ZNF519: variants seen among roughly 807,000 people sequenced by gnomAD.
ZNF519 encodes the protein similar to Zinc finger protein 85 (Zinc finger protein HPF4) (HTF1).
Under a neutral mutation model 7.4 loss-of-function variants are expected in ZNF519, and 7 were observed. That is an observed-to-expected ratio of 0.94 (90% CI 0.54 to 1.77). The LOEUF (loss-of-function observed/expected upper bound fraction) is 1.77. Ranked by LOEUF, ZNF519 falls within the 40% of genes most tolerant of loss-of-function variation. The pLI, the probability that ZNF519 is intolerant of heterozygous loss-of-function variation, is 0.00. For synonymous variants in ZNF519, 179 were observed against 203.3 expected (o/e 0.88, Z 1.02); for missense variants, 586 against 623.1 (o/e 0.94, Z 0.63).
chr18:14,091,613 C>T (rs1377831382), intron 2 of ZNF519, among the ~76,000 whole-genome samples: 2 of 152,074 alleles, frequency 1.3e-5, no homozygotes, highest in African/African-American at 4.8e-5. Flanking sequence ...AGTCCTTGTC[C>T]TCTTGATGAC....
Position 14,105,098 on chromosome 18 carries a change from ACT to A in ZNF519, c.1440_1441del (p.Arg480SerfsTer11), listed in dbSNP as rs1402612337. On this transcript the variant is annotated frameshift_variant, in exon 3 of 3. Transcript: ENST00000590202. LOFTEE classifies it low-confidence loss of function (END_TRUNC). ...TTTGAAGAATTTCTCTCCAGTATGG[ACT>A]CTCTGATGTTGAGTAAGGTGTGAGC... The A allele has an allele frequency of 2.5e-6, 4 of 1,612,582 alleles. No individual in the cohort carries two copies. The Admixed American group carries it at 5.0e-5, about 20-fold the overall frequency.
At chr18:14,087,976 G>T (rs1049369350) in intron 2 of ZNF519, among the ~76,000 whole-genome samples, 1 of 152,074 alleles carries the variant, frequency 6.6e-6, no homozygotes, top group East Asian at 1.9e-4. Flanking sequence ...ACAAGGAATG[G>T]AACTATGTAG....
intron 2 of ZNF519, among the ~76,000 whole-genome samples, chr18:14,117,974 A>T (rs1365439532): frequency 6.6e-6 from 1 of 152,206 alleles, no homozygotes; most frequent in Non-Finnish European, 1.5e-5. Context: ...TCCAAAATAT[A>T]TCATTTACAA....
At chr18:14,095,780 T>C (rs2046133952), downstream of ZNF519, among the ~76,000 whole-genome samples, 1 of 152,182 alleles carries the variant, frequency 6.6e-6, no homozygotes, top group South Asian at 2.1e-4. Context: ...TCCCTGCCAG[T>C]GGATAGAGTC....
intron 2 of ZNF519, among the ~76,000 whole-genome samples, chr18:14,119,439 GTT>G: frequency 6.6e-6 from 1 of 152,248 alleles, no homozygotes; most frequent in Non-Finnish European, 1.5e-5. Flanking sequence ...ATTACTGAAA[GTT>G]TGTATCAGAA....
Position 14,077,904 on chromosome 18 carries a change from G to T in ZNF519, c.*276+296C>A, listed in dbSNP as rs530521064. Among the ~76,000 whole-genome samples the T allele has an allele frequency of 3.3e-5, 5 of 152,304 alleles. No individual in the cohort carries two copies. In the East Asian group the frequency reaches 7.7e-4, roughly 23 times the overall value. ...TAGACTGGTAAAGAATGTATCAATA[G>T]GTTACGGTGCAAATAGGCAGTCGTC... On this transcript the variant is annotated intron_variant and NMD_transcript_variant, in intron 4 of 4. Transcript: ENST00000587419.
Position 14,103,817 on chromosome 18 carries a change from G to A in ZNF519, c.*1100C>T, listed in dbSNP as rs2046173837. 6.6e-6 allele frequency: 1 copy of A among 152,046 alleles called. No homozygotes were observed. Among genetic ancestry groups the A allele is most frequent in the African/African-American group, 2.4e-5 (1 of 41,404 alleles). 9.4% of individuals were successfully genotyped at this position (152,046 alleles called of 1,614,324 possible). On this transcript the variant is annotated 3_prime_UTR_variant, in exon 3 of 3. Transcript: ENST00000590202. ...TGGAATCTTGAGCAAGGTGGAATAA[G>A]TTAACATTTTTGTCAGGATAAGACA...
chr18:14,088,665 G>T (rs1180113245), intron 2 of ZNF519, among the ~76,000 whole-genome samples: 1 of 152,100 alleles, frequency 6.6e-6, no homozygotes, highest in African/African-American at 2.4e-5. Flanking sequence ...AAAATTAAAG[G>T]AGACAAATAT....
rs1395417010 is a variant in ZNF519, at chr18:14,101,182, T to G, written c.*3735A>C. 6.5e-6 allele frequency: 1 copy of G among 153,566 alleles called. No homozygotes were observed. The highest frequency in any genetic ancestry group is 1.5e-5 in the Non-Finnish European group (1 of 68,952). The allele number at this position is 153,566 out of a possible 1,614,324, so 9.5% of individuals were successfully genotyped here. On this transcript the variant is annotated 3_prime_UTR_variant, in exon 3 of 3. Coordinates refer to ENST00000590202, the MANE Select transcript of ZNF519 (RefSeq NM_145287.4). ...CAGGAGCTGTTGGGTGGGGGTGAAC[T>G]CTCTCTAGGTGCACAGGAAGGAACA...
rs2046162948 is a variant in ZNF519 at position 14,101,762 on chromosome 18, C to G, written c.*3155G>C. The stretch of plus-strand genomic sequence containing the variant: ...TGTCCATCAGTTCTTTGATGATGTT[C>G]TGTGTGGAGCTCTGCAAAGACAAAC... On this transcript the variant is annotated 3_prime_UTR_variant, in exon 3 of 3. Coordinates refer to ENST00000590202, the MANE Select transcript of ZNF519 (RefSeq NM_145287.4). 2 of 398,602 alleles carry G rather than the reference C, an allele frequency of 5.0e-6. No individual in the cohort carries two copies. Among genetic ancestry groups the G allele is most frequent in the Non-Finnish European group, 4.4e-6 (1 of 226,084 alleles). 24.7% of individuals were successfully genotyped at this position (398,602 alleles called of 1,614,324 possible).
At chr18:14,076,815 T>C (rs2143072129) in exon 5 of ZNF519, 1 of 152,270 alleles carries the variant, frequency 6.6e-6, no homozygotes, top group East Asian at 1.9e-4. Context: ...AAAGTTACCC[T>C]TCTTTACTGA....
rs113197347 is a variant in ZNF519, at chr18:14,087,870, T to C, written c.131-2794A>G. 2.4e-4 allele frequency among the ~76,000 whole-genome samples: 37 copies of C among 152,252 alleles called. 1 individual carries two copies. The highest frequency in any genetic ancestry group is 8.2e-4 in the African/African-American group (34 of 41,550). On this transcript the variant is annotated intron_variant and NMD_transcript_variant, in intron 2 of 4. Transcript: ENST00000587419. ...AAAGTAAAAATGGACAAAAAGGATC[T>C]GGGAGGTGAGATTGACCATGCATTG...
rs73958136 is a variant in ZNF519 at position 14,114,869 on chromosome 18, T to C, written c.131-8460A>G. ...ACCATTTACCCTGATGTGATTTTTA[T>C]GCATTTCATGGCTACTTCAAAATAT... On this transcript the variant is annotated intron_variant, in intron 2 of 2. Transcript: ENST00000590202. Among the ~76,000 whole-genome samples, 381 of 152,278 alleles carry C rather than the reference T, an allele frequency of 2.5e-3. 4 individuals carry two copies. Among genetic ancestry groups the C allele is most frequent in the African/African-American group, 8.6e-3 (359 of 41,562 alleles).
In ZNF519 at chr18:14,132,039, C is replaced by T. The variant is rs1442437170; in HGVS notation, c.3+236G>A. ...TTTCCGATGACTTTCGCCTCATCAC[C>T]TCACAACCTGGGGAAGATGCAGGGC... On this transcript the variant is annotated intron_variant, in intron 1 of 2. Coordinates refer to ENST00000590202, the MANE Select transcript of ZNF519 (RefSeq NM_145287.4). Among the ~76,000 whole-genome samples, 3 of 152,146 alleles carry T rather than the reference C, an allele frequency of 2.0e-5. No individual in the cohort carries two copies. The East Asian group carries it at 5.8e-4, about 29-fold the overall frequency.
intron 2 of ZNF519, chr18:14,122,368 C>T (rs1426270656): frequency 6.6e-6 from 1 of 152,188 alleles, no homozygotes; most frequent in African/African-American, 2.4e-5. Flanking sequence ...GATGCAACAT[C>T]TGTCCCTGGT....
rs199508867 is a variant in ZNF519 at position 14,105,887 on chromosome 18, G to T, written c.653C>A (p.Ser218Tyr). 1.2e-5 allele frequency: 19 copies of T among 1,608,190 alleles called. No homozygotes were observed. In the African/African-American group the frequency reaches 2.3e-4, roughly 19 times the overall value. Residue 218 changes from serine (S) to tyrosine (Y), a missense_variant, in exon 3 of 3, where the codon TCT (serine) becomes TAT (tyrosine). Coordinates refer to ENST00000590202, the MANE Select transcript of ZNF519 (RefSeq NM_145287.4). ...TTGAGTAAGCTTTGAGAATGGGTCA[G>T]AAGTTTCACCACATTCATTAGAGTT... is the stretch of plus-strand genomic sequence containing the variant. ...PYNSNECGET[S>Y]DPFSKLTQHQ...
At chr18:14,087,437 A>T (rs185490229) in intron 2 of ZNF519, among the ~76,000 whole-genome samples, 49 of 152,320 alleles carry the variant, frequency 3.2e-4, no homozygotes, top group Non-Finnish European at 5.9e-4. Context: ...TGAATGTGAA[A>T]ATTTTATAAA....
chr18:14,132,348 G>A lies in ZNF519; in HGVS notation c.-71C>T, dbSNP rs943898539. On this transcript the variant is annotated 5_prime_UTR_variant, in exon 1 of 3. Coordinates refer to ENST00000590202, the MANE Select transcript of ZNF519 (RefSeq NM_145287.4). Reference sequence around the variant, plus strand: ...AATGCCAGCAGGTCACAGAGCGACGGAGTGAGTGGCAGAATCACCGAAGTC... The same window carrying A: ...AATGCCAGCAGGTCACAGAGCGACGAAGTGAGTGGCAGAATCACCGAAGTC... 2.5e-6 allele frequency: 4 copies of A among 1,583,718 alleles called. No individual in the cohort carries two copies. In the African/African-American group the frequency reaches 4.1e-5, roughly 16 times the overall value.
At chr18:14,130,588 A>AC (rs1190228053) in intron 1 of ZNF519, among the ~76,000 whole-genome samples, 1 of 151,322 alleles carries the variant, frequency 6.6e-6, no homozygotes, top group African/African-American at 2.4e-5. Flanking sequence ...ACTTTCTATC[A>AC]CCCCCATACT....
Sources: gnomAD v4.1 joint callset for allele counts (sites outside exome capture counted in the v4.1 genomes callset) on GRCh38, gnomAD v4.1.1 for gene constraint, MANE v1.5 for transcripts, NCBI Gene and HGNC (gene_info 2026-07-23, HGNC 2026-07-21) for gene names.